RUNDC3A: variants seen among roughly 807,000 people sequenced by gnomAD.
The protein encoded by RUNDC3A is RUN domain containing 3A.
In RUNDC3A, 28 loss-of-function variants were observed where a neutral mutation model predicts 53.9. The ratio of observed to expected loss-of-function variants is 0.52; its 90% CI spans 0.38 to 0.71. The LOEUF is 0.71. RUNDC3A is among the 30% of genes least tolerant of loss of function. The pLI is 0.00. For synonymous variants in RUNDC3A, 232 were observed against 249.4 expected, an observed-to-expected ratio of 0.93 and a Z score of 0.66; for missense variants, 491 against 597.3, an observed-to-expected ratio of 0.82 and a Z score of 1.85.
chr17:44,311,988 A>G (rs1471901557), intron 1 of RUNDC3A, among the ~76,000 whole-genome samples: 2 of 152,130 alleles, frequency 1.3e-5, no homozygotes, highest in African/African-American at 4.8e-5. Flanking sequence ...CAAGCCGGGA[A>G]GGAAAGGGGG....
Position 44,316,538 on chromosome 17 carries a change from G to GTACC in RUNDC3A, c.1091+17_1091+18insACCT. On this transcript the variant is annotated intron_variant, in intron 9 of 10. Coordinates refer to ENST00000426726, the MANE Select transcript of RUNDC3A (RefSeq NM_001144825.2). ...TCTACCGGAGGTAAGCCCCAGCCAG[G>GTACC]TGGGGCTTGGGCCTGAGAGCGGGTC... 6.2e-7 allele frequency: 1 copy of GTACC among 1,608,272 alleles called. No homozygotes were observed. The highest frequency in any genetic ancestry group is 8.5e-7 in the Non-Finnish European group (1 of 1,177,416).
At position 44,318,132 on chromosome 17, in the gene RUNDC3A, G is replaced by A. The variant is rs1263730152; in HGVS notation, c.1235G>A (p.Gly412Asp). The stretch of plus-strand genomic sequence containing the variant: ...ACGCCCTCCATGCTGGGCCTCTGCG[G>A]CTCCCTGGCCTCCATTCCCAGCTGC... ...DPTPSMLGLC[G>D]SLASIPSCKS... Residue 412 changes from glycine to aspartate, a missense_variant, in exon 11 of 11, where the codon GGC (glycine) becomes GAC (aspartate). By Grantham distance (94) the Gly-to-Asp change is moderately conservative. Coordinates refer to ENST00000426726, the MANE Select transcript of RUNDC3A (RefSeq NM_001144825.2). 4.5e-6 allele frequency: 7 copies of A among 1,551,396 alleles called. No homozygotes were observed. Among genetic ancestry groups the A allele is most frequent in the Non-Finnish European group, 6.1e-6 (7 of 1,146,988 alleles).
intron 10 of RUNDC3A, 84 bp downstream of exon 10, chr17:44,316,809 A>C (rs934115982): frequency 4.4e-6 from 3 of 686,588 alleles, no homozygotes; most frequent in Non-Finnish European, 7.1e-6. Context: ...GTCCTCATTC[A>C]TTCTCTTAGT....
In RUNDC3A at chr17:44,315,398, G is replaced by A; in HGVS notation, c.796-54G>A. 7.5e-7 allele frequency: 1 copy of A among 1,332,500 alleles called. No individual in the cohort carries two copies. Among genetic ancestry groups the A allele is most frequent in the Non-Finnish European group, 9.6e-7 (1 of 1,038,098 alleles). The allele number at this position is 1,332,500 out of a possible 1,614,324, so 82.5% of individuals were successfully genotyped here. ...GCATCCCGGGGCGGGGCGGGGATGG[G>A]GGCCGCGGCCGGGACGTCCTCCCAG... On this transcript the variant is annotated intron_variant, in intron 7 of 10. Transcript: ENST00000426726. The surrounding 1 kb of genome is among the most constrained non-coding windows in gnomAD (Gnocchi z 6.1).
At chr17:44,312,723 T>TGC in intron 2 of RUNDC3A, 28 bp downstream of exon 2, 1 of 1,005,070 alleles carries the variant, frequency 9.9e-7, no homozygotes, top group East Asian at 5.1e-5. Flanking sequence ...CCCCCAGCGG[T>TGC]CCCTCCCCCA....
In RUNDC3A at chr17:44,308,866, C is replaced by G; in HGVS notation, c.34C>G (p.Leu12Val). Residue 12 changes from leucine (L) to valine (V), a missense_variant, in exon 1 of 11, where the codon CTG becomes GTG. Coordinates refer to ENST00000426726, the MANE Select transcript of RUNDC3A (RefSeq NM_001144825.2). ...GAGCTTTGTCCAGACCACCATGGCT[C>G]TGGGGCTGTCCTCCAAGAAAGCGTC... ...EASFVQTTMALGLSSKKASSR... is the reference protein window; with the variant it reads ...EASFVQTTMAVGLSSKKASSR... 6.2e-7 allele frequency: 1 copy of G among 1,612,220 alleles called. No individual in the cohort carries two copies. Among genetic ancestry groups the G allele is most frequent in the Non-Finnish European group, 8.5e-7 (1 of 1,179,086 alleles).
In RUNDC3A at chr17:44,308,758, G is replaced by A. The variant is rs2047690050; in HGVS notation, c.-75G>A. On this transcript the variant is annotated 5_prime_UTR_variant, in exon 1 of 11. The change abolishes the stop of an existing upstream ORF in the 5' untranslated region. Coordinates refer to ENST00000426726, the MANE Select transcript of RUNDC3A (RefSeq NM_001144825.2). Reference sequence around the variant, plus strand: ...CCCGTCGGACAGAGGGCCCAGCCGTGATCCAGCGACGGGTTTGGGGCTCCG... The same window carrying A: ...CCCGTCGGACAGAGGGCCCAGCCGTAATCCAGCGACGGGTTTGGGGCTCCG... 10 of 990,604 alleles carry A rather than the reference G, an allele frequency of 1.0e-5. No homozygotes were observed. Among genetic ancestry groups the A allele is most frequent in the Non-Finnish European group, 1.5e-5 (10 of 686,622 alleles). The allele number at this position is 990,604 out of a possible 1,614,324, so 61.4% of individuals were successfully genotyped here. A position where few individuals can be genotyped will look rare whatever the true frequency, so the allele number is the denominator to read the frequency against.
In RUNDC3A at chr17:44,315,347, G is replaced by C. The variant is rs1393386764; in HGVS notation, c.795+27G>C. 3.0e-6 allele frequency: 4 copies of C among 1,337,902 alleles called. No individual in the cohort carries two copies. Among genetic ancestry groups the C allele is most frequent in the Non-Finnish European group, 2.9e-6 (3 of 1,037,566 alleles). 82.9% of individuals were successfully genotyped at this position (1,337,902 alleles called of 1,614,324 possible). On this transcript the variant is annotated intron_variant, in intron 7 of 10. Transcript: ENST00000426726. This position sits in a 1 kb window ranked among gnomAD's most constrained non-coding sequence, Gnocchi z 6.1. ...TGCGCGACGCCGGCGGGCCCGGGGG[G>C]CGGGCGGGCCGGGCGGGGGATCCGG...
At chr17:44,313,280 C>G in intron 3 of RUNDC3A, 28 bp downstream of exon 3, 2 of 1,613,238 alleles carry the variant, frequency 1.2e-6, no homozygotes, top group Non-Finnish European at 1.7e-6. Context: ...AGCAACTGCT[C>G]TCTGCTCTGG....
chr17:44,316,507 C>T lies in RUNDC3A; in HGVS notation c.1076C>T (p.Ser359Phe), dbSNP rs946368740. 4 of 1,612,940 alleles carry T rather than the reference C, an allele frequency of 2.5e-6. No individual in the cohort carries two copies. Among genetic ancestry groups the T allele is most frequent in the Admixed American group, 3.3e-5 (2 of 59,886 alleles). ...AATGGGGCCGAGGGCGCCAGCAACT[C>T]CAAGCTCTACCGGAGGTAAGCCCCA... ...TLNGAEGASNSKLYRRHSFMS... is the reference protein window; with the variant it reads ...TLNGAEGASNFKLYRRHSFMS... Residue 359 changes from serine (S) to phenylalanine (F), a missense_variant, in exon 9 of 11, where the codon TCC (serine) becomes TTC (phenylalanine). Physicochemically the swap from Ser to Phe is radical, Grantham distance 155. Around this residue, in one of 2 missense-constraint regions of RUNDC3A, gnomAD observed 218 missense variants for 208.2 expected, o/e 1.05. Transcript: ENST00000426726.
intron 1 of RUNDC3A, among the ~76,000 whole-genome samples, chr17:44,312,106 A>C (rs2047759075): frequency 6.6e-6 from 1 of 152,152 alleles, no homozygotes. Context: ...CCCCATCCCC[A>C]AAAGGGACTG....
At chr17:44,311,363 T>G in intron 1 of RUNDC3A, 1 of 983,588 alleles carries the variant, frequency 1.0e-6, no homozygotes, top group African/African-American at 1.7e-5. Flanking sequence ...AGCAGAAGCT[T>G]CAGAATCAGA....
intron 1 of RUNDC3A, chr17:44,311,384 C>T (rs2047744394): frequency 3.1e-6 from 3 of 970,516 alleles, no homozygotes; most frequent in African/African-American, 1.8e-5. Context: ...ATCAGACATA[C>T]CTGCTTGACT....
chr17:44,314,544 C>A, intron 4 of RUNDC3A, 191 bp from the exon 5 acceptor site: 2 of 1,432,012 alleles, frequency 1.4e-6, no homozygotes, highest in East Asian at 5.0e-5. Flanking sequence ...AACACCCATT[C>A]TAGGTGATGG....
Position 44,308,668 on chromosome 17 carries a change from A to C in RUNDC3A, c.-165A>C. On this transcript the variant is annotated 5_prime_UTR_variant, in exon 1 of 11. Transcript: ENST00000426726. ...TTTGCTCTGGCATCGCCGCCGGGGG[A>C]GGGAGCGAGGGGGCCGGGCACCGGG... 6.8e-6 allele frequency: 3 copies of C among 442,758 alleles called. No homozygotes were observed. The highest frequency in any genetic ancestry group is 3.6e-5 in the East Asian group (1 of 27,744). The allele number at this position is 442,758 out of a possible 1,614,324, so 27.4% of individuals were successfully genotyped here.
chr17:44,315,998 G>C lies in RUNDC3A; in HGVS notation c.954-387G>C, dbSNP rs1297347828. On this transcript the variant is annotated intron_variant, in intron 8 of 10. Coordinates refer to ENST00000426726, the MANE Select transcript of RUNDC3A (RefSeq NM_001144825.2). The surrounding 1 kb of genome is among the most constrained non-coding windows in gnomAD (Gnocchi z 6.1). Reference sequence around the variant, plus strand: ...CTCACTGACCGTCATCATCCGCCGTGACCCCCGACCTCACCCCTGCCGATC... The same window carrying C: ...CTCACTGACCGTCATCATCCGCCGTCACCCCCGACCTCACCCCTGCCGATC... Among the ~76,000 whole-genome samples the C allele has an allele frequency of 2.0e-5, 3 of 151,820 alleles. No homozygotes were observed. Among genetic ancestry groups the C allele is most frequent in the South Asian group, 2.1e-4 (1 of 4,818 alleles).
At chr17:44,317,594 G>C in intron 10 of RUNDC3A, 1 of 778,348 alleles carries the variant, frequency 1.3e-6, no homozygotes, top group African/African-American at 1.7e-5. Flanking sequence ...TCCCATCCTA[G>C]TTCTCCCTAT....
intron 10 of RUNDC3A, chr17:44,317,430 GCA>G (rs2047890090): frequency 1.3e-6 from 1 of 780,624 alleles, no homozygotes; most frequent in African/African-American, 1.7e-5. Flanking sequence ...CTTATCTCAT[GCA>G]CACTGTGAAC....
intron 1 of RUNDC3A, 95 bp from the exon 2 acceptor site, chr17:44,312,485 C>A: frequency 1.4e-6 from 1 of 705,784 alleles, no homozygotes; most frequent in South Asian, 1.7e-5. Flanking sequence ...CCCTTCCTGA[C>A]CTTTCTTCTC....
Sources: gnomAD v4.1 joint callset for allele counts (sites outside exome capture counted in the v4.1 genomes callset) on GRCh38, gnomAD v4.1.1 for gene constraint, gnomAD v4.1.1 regional missense constraint, Gnocchi (gnomAD v3.1) non-coding constraint, MANE v1.5 for transcripts, NCBI Gene and HGNC (gene_info 2026-07-23, HGNC 2026-07-21) for gene names.